CYP2C18: variants seen among roughly 807,000 people sequenced by gnomAD.
CYP2C18 encodes cytochrome P450 2C18.
In CYP2C18, 38 loss-of-function variants were observed where a neutral mutation model predicts 41.3. The observed-to-expected ratio is 0.92, with a 90% confidence interval of 0.71 to 1.21. CYP2C18 has a LOEUF of 1.21. Among genes scored for constraint, CYP2C18 ranks in the 50% most tolerant of loss-of-function variants. The pLI is 0.00. For missense variants in CYP2C18, 635 were observed against 591.4 expected (o/e 1.07, Z -0.77); for synonymous variants, 236 against 210.0 (o/e 1.12, Z -1.07).
At chr10:94,723,495 A>T (rs2134205153) in intron 6 of CYP2C18, among the ~76,000 whole-genome samples, 1 of 152,318 alleles carries the variant, frequency 6.6e-6, no homozygotes, top group African/African-American at 2.4e-5. Flanking sequence ...AAATTGGCAT[A>T]TGAAAATTAG....
chr10:94,708,586 T>A (rs774742970), intron 5 of CYP2C18, among the ~76,000 whole-genome samples: 1 of 151,742 alleles, frequency 6.6e-6, no homozygotes, highest in African/African-American at 2.4e-5. Flanking sequence ...ACAGCATTTT[T>A]ATTGAGTTTA....
chr10:94,708,698 C>T (rs1246162697), intron 5 of CYP2C18, among the ~76,000 whole-genome samples: 4 of 152,198 alleles, frequency 2.6e-5, no homozygotes, highest in African/African-American at 9.7e-5. Context: ...CAGAACATTT[C>T]CATCATCCTG....
intron 4 of CYP2C18, among the ~76,000 whole-genome samples, chr10:94,696,396 C>G (rs911901167): frequency 1.3e-5 from 2 of 152,164 alleles, no homozygotes; most frequent in Non-Finnish European, 2.9e-5. Context: ...CCAGCAAACT[C>G]CAACAGACCT....
intron 5 of CYP2C18, among the ~76,000 whole-genome samples, chr10:94,709,866 T>A (rs1228495361): frequency 1.3e-5 from 2 of 152,230 alleles, no homozygotes; most frequent in African/African-American, 4.8e-5. Flanking sequence ...TCATTCCCCA[T>A]TGAGTGATCG....
chr10:94,691,851 G>A (rs1341254050), intron 3 of CYP2C18, among the ~76,000 whole-genome samples: 2 of 152,098 alleles, frequency 1.3e-5, no homozygotes, highest in African/African-American at 2.4e-5. Flanking sequence ...ACAGAACAGA[G>A]CCCTCAGAAG....
chr10:94,730,622 AC>A (rs1847814894), intron 7 of CYP2C18, among the ~76,000 whole-genome samples: 1 of 152,200 alleles, frequency 6.6e-6, no homozygotes, highest in Non-Finnish European at 1.5e-5. Flanking sequence ...ATTAATGAAG[AC>A]CAGGTATGTT....
intron 3 of CYP2C18, among the ~76,000 whole-genome samples, chr10:94,689,408 G>A (rs1846956394): frequency 6.6e-6 from 1 of 151,950 alleles, no homozygotes; most frequent in Non-Finnish European, 1.5e-5. Flanking sequence ...GGTCCTAGAA[G>A]GGACTGCTGC....
intron 1 of CYP2C18, among the ~76,000 whole-genome samples, chr10:94,686,168 C>T (rs769236965): frequency 3.3e-5 from 5 of 151,926 alleles, no homozygotes; most frequent in African/African-American, 1.2e-4. Flanking sequence ...ATTAATTGTT[C>T]TCTTAATTTC....
At chr10:94,705,696 A>G (rs1044920631) in intron 4 of CYP2C18, among the ~76,000 whole-genome samples, 8 of 152,046 alleles carry the variant, frequency 5.3e-5, no homozygotes, top group Non-Finnish European at 1.0e-4. Flanking sequence ...GGAACTGTCT[A>G]TTGTGCCAAT....
Position 94,694,935 on chromosome 10 carries a change from C to T in CYP2C18, c.500C>T (p.Thr167Ile), listed in dbSNP as rs938222247. The change falls in exon 4 of 9, where the codon ACT becomes ATT. Residue 167 changes from threonine to isoleucine, a missense_variant. Coordinates refer to ENST00000285979, the MANE Select transcript of CYP2C18 (RefSeq NM_000772.3). ...CCTTTAGCCTCACCCTGTGATCCCA[C>T]TTTCATCCTGGGCTGTGCTCCCTGC... ...RKTNASPCDP[T>I]FILGCAPCNV... 5.0e-6 allele frequency: 8 copies of T among 1,612,314 alleles called. No homozygotes were observed. The highest frequency in any genetic ancestry group is 2.7e-5 in the African/African-American group (2 of 74,878).
intron 7 of CYP2C18, among the ~76,000 whole-genome samples, chr10:94,730,915 A>G (rs1353445985): frequency 1.3e-5 from 2 of 152,186 alleles, no homozygotes; most frequent in Admixed American, 1.3e-4. Flanking sequence ...CAAGAACGCA[A>G]TCCCATTTAC....
At chr10:94,713,691 T>A (rs1564644844) in intron 5 of CYP2C18, among the ~76,000 whole-genome samples, 2 of 152,230 alleles carry the variant, frequency 1.3e-5, no homozygotes, top group African/African-American at 4.8e-5. Flanking sequence ...TTTGGGTATA[T>A]ACCCAGTAAT....
chr10:94,709,746 G>A lies in CYP2C18; in HGVS notation c.819+2786G>A, dbSNP rs563987963. Among the ~76,000 whole-genome samples the A allele has an allele frequency of 1.2e-4, 19 of 152,210 alleles. 1 individual carries two copies. In the South Asian group the frequency reaches 3.5e-3, roughly 28 times the overall value. On this transcript the variant is annotated intron_variant, in intron 5 of 8. Coordinates refer to ENST00000285979, the MANE Select transcript of CYP2C18 (RefSeq NM_000772.3). ...TTATAATTTTAACTATTACATTTAG[G>A]TCTAAGATCCACTCTGAGTCAATTT...
At chr10:94,721,280 T>A (rs1589804569) in intron 6 of CYP2C18, among the ~76,000 whole-genome samples, 1 of 152,200 alleles carries the variant, frequency 6.6e-6, no homozygotes, top group Middle Eastern at 3.4e-3. Flanking sequence ...CTCCCAAAGT[T>A]CTTGGATTAC....
intron 4 of CYP2C18, among the ~76,000 whole-genome samples, chr10:94,695,444 C>T (rs1847098260): frequency 6.6e-6 from 1 of 152,162 alleles, no homozygotes; most frequent in Admixed American, 6.5e-5. Flanking sequence ...TTTCCAGCTT[C>T]ATCCATGTCC....
rs1847091498 is a variant in CYP2C18 at position 94,695,146 on chromosome 10, A to C, written c.642+69A>C. 4.4e-6 allele frequency: 6 copies of C among 1,366,280 alleles called. No individual in the cohort carries two copies. The Admixed American group carries it at 1.3e-4, about 29-fold the overall frequency. The allele number at this position is 1,366,280 out of a possible 1,614,324, so 84.6% of individuals were successfully genotyped here. On this transcript the variant is annotated intron_variant, in intron 4 of 8. Transcript: ENST00000285979. ...TTTATCAGACAGTCCAATTTTTTTA[A>C]TTTTTTAAAATTATACTTTAAGTTC...
chr10:94,717,996 A>C (rs1372487232), intron 5 of CYP2C18, among the ~76,000 whole-genome samples: 1 of 152,066 alleles, frequency 6.6e-6, no homozygotes, highest in Non-Finnish European at 1.5e-5. Flanking sequence ...AAGAGAGATA[A>C]CATTGGAATT....
Position 94,694,996 on chromosome 10 carries a change from T to C in CYP2C18, c.561T>C (p.Phe187=), listed in dbSNP as rs200638718. The C allele has an allele frequency of 2.0e-5, 33 of 1,613,200 alleles. No individual in the cohort carries two copies. The highest frequency in any genetic ancestry group is 2.6e-5 in the Non-Finnish European group (31 of 1,179,864). ...VICSVIFHDR[F]DYKDQRFLNL... ...GCTCTGTTATTTTCCATGATCGATT[T>C]GATTATAAAGATCAGAGGTTTCTTA... is the stretch of plus-strand genomic sequence containing the variant. The change falls in exon 4 of 9, where the codon TTT becomes TTC. Residue 187 remains phenylalanine, a synonymous_variant. Coordinates refer to ENST00000285979, the MANE Select transcript of CYP2C18 (RefSeq NM_000772.3).
intron 4 of CYP2C18, among the ~76,000 whole-genome samples, chr10:94,703,262 T>A (rs1374009583): frequency 6.6e-6 from 1 of 152,204 alleles, no homozygotes; most frequent in Admixed American, 6.5e-5. Flanking sequence ...GCTTGAGGGC[T>A]AGGCTGGGAG....
Sources: allele counts gnomAD v4.1 joint callset (sites outside exome capture counted in the v4.1 genomes callset), GRCh38; gene constraint gnomAD v4.1.1; transcripts MANE v1.5; gene names NCBI Gene and HGNC (gene_info 2026-07-23, HGNC 2026-07-21).